FRMD6: variants seen among roughly 807,000 people sequenced by gnomAD.
FRMD6 encodes FERM domain-containing protein 6.
A neutral mutation model predicts 73.2 loss-of-function variants in FRMD6; 37 were observed. The ratio of observed to expected loss-of-function variants is 0.51; its 90% CI spans 0.39 to 0.66. The LOEUF (loss-of-function observed/expected upper bound fraction) is 0.66, where lower values mean the gene tolerates loss of function less well. FRMD6 is among the 30% of genes least tolerant of loss of function. FRMD6 has a pLI of 0.00. For missense variants in FRMD6, 714 were observed against 780.5 expected, an observed-to-expected ratio of 0.91 and a Z score of 1.02; for synonymous variants, 273 against 282.2, an observed-to-expected ratio of 0.97 and a Z score of 0.33.
chr14:51,445,186 T>G, the FRMD6 span, among the ~76,000 whole-genome samples: 2 of 152,180 alleles, frequency 1.3e-5, no homozygotes, highest in East Asian at 3.9e-4. Flanking sequence ...TGGTTCCTTC[T>G]GTAGGTCCTG....
Position 51,573,313 on chromosome 14 carries a change from C to T in FRMD6, c.-147+2903C>T, listed in dbSNP as rs189008672. On this transcript the variant is annotated intron_variant, in intron 2 of 14. Coordinates refer to the FRMD6 transcript ENST00000356218. ...GTTATAGGCCAATAAGGTGACCTGG[C>T]GTTGGAATTCTGAGGAGACCACTGA... is the stretch of plus-strand genomic sequence containing the variant. Among the ~76,000 whole-genome samples the T allele has an allele frequency of 2.5e-3, 383 of 152,230 alleles. 3 individuals carry two copies. The highest frequency in any genetic ancestry group is 4.3e-3 in the Non-Finnish European group (294 of 68,020).
chr14:51,617,925 T>C (rs957971584), intron 2 of FRMD6, among the ~76,000 whole-genome samples: 2 of 152,190 alleles, frequency 1.3e-5, no homozygotes, highest in African/African-American at 4.8e-5. Flanking sequence ...GATAAATGCA[T>C]GGCAATAATG....
intron 1 of FRMD6, among the ~76,000 whole-genome samples, chr14:51,503,916 A>C (rs1883781293): frequency 6.6e-6 from 1 of 151,520 alleles, no homozygotes; most frequent in Non-Finnish European, 1.5e-5. Context: ...AGAAATCATT[A>C]TTGGTCTATT....
chr14:51,609,090 C>G (rs913062140), intron 2 of FRMD6, among the ~76,000 whole-genome samples: 2 of 151,970 alleles, frequency 1.3e-5, no homozygotes, highest in African/African-American at 4.8e-5. Context: ...TCTGATTATT[C>G]TTTTTTCATA....
intron 1 of FRMD6, among the ~76,000 whole-genome samples, chr14:51,519,875 A>G (rs1048264133): frequency 6.6e-6 from 1 of 152,212 alleles, no homozygotes; most frequent in Non-Finnish European, 1.5e-5. Context: ...TTCAGTCACT[A>G]TAAAATGGGC....
chr14:51,634,038 TCAA>T (rs1891448021), intron 2 of FRMD6, among the ~76,000 whole-genome samples: 1 of 152,196 alleles, frequency 6.6e-6, no homozygotes, highest in African/African-American at 2.4e-5. Flanking sequence ...AAAAAGCAGA[TCAA>T]CGACATGATT....
chr14:51,553,548 G>C (rs2139453061), intron 1 of FRMD6, among the ~76,000 whole-genome samples: 2 of 152,202 alleles, frequency 1.3e-5, no homozygotes, highest in Non-Finnish European at 2.9e-5. Context: ...TGAGTTTCTG[G>C]TTATTAAGAA....
intron 1 of FRMD6, among the ~76,000 whole-genome samples, chr14:51,506,683 G>T (rs1293789336): frequency 1.3e-5 from 2 of 152,204 alleles, no homozygotes; most frequent in Non-Finnish European, 2.9e-5. Context: ...CCATTTTAAA[G>T]AATTCCCCTT....
chr14:51,670,691 G>A (rs1893941975), intron 1 of FRMD6, among the ~76,000 whole-genome samples: 1 of 150,922 alleles, frequency 6.6e-6, no homozygotes, highest in African/African-American at 2.4e-5. Context: ...TGTCACCTAG[G>A]CTGGAGTGCA....
the FRMD6 span, among the ~76,000 whole-genome samples, chr14:51,412,553 A>C: frequency 1.3e-5 from 2 of 152,160 alleles, no homozygotes; most frequent in African/African-American, 2.4e-5. Context: ...ATTTTTTTAC[A>C]TAAGATAACA....
chr14:51,703,665 C>T (rs1896462693), intron 5 of FRMD6, among the ~76,000 whole-genome samples: 1 of 151,970 alleles, frequency 6.6e-6, no homozygotes, highest in Admixed American at 6.6e-5. Context: ...ATGAACCAGT[C>T]CAAACCATCT....
the FRMD6 span, among the ~76,000 whole-genome samples, chr14:51,402,694 G>A: frequency 0.3 from 45,044 of 148,872 alleles, 7,208 homozygotes; most frequent in African/African-American, 0.4. Flanking sequence ...GCTGGAGTGC[G>A]GTGGCATGAT....
intron 1 of FRMD6, among the ~76,000 whole-genome samples, chr14:51,669,078 T>C (rs908449420): frequency 6.6e-6 from 1 of 152,246 alleles, no homozygotes; most frequent in Non-Finnish European, 1.5e-5. Flanking sequence ...TAACCAGCAC[T>C]GCGGTCAAGA....
intron 1 of FRMD6, among the ~76,000 whole-genome samples, chr14:51,658,255 A>G (rs1349368772): frequency 1.3e-5 from 2 of 152,010 alleles, no homozygotes; most frequent in East Asian, 3.9e-4. Context: ...ATGAGGCAGA[A>G]TTTTTCTTCT....
At chr14:51,621,713 A>G (rs1426388175) in intron 2 of FRMD6, among the ~76,000 whole-genome samples, 1 of 152,230 alleles carries the variant, frequency 6.6e-6, no homozygotes, top group East Asian at 1.9e-4. Flanking sequence ...TAAAGAAGAC[A>G]GAAAAACACA....
At chr14:51,451,873 A>G in the FRMD6 span, among the ~76,000 whole-genome samples, 7 of 152,190 alleles carry the variant, frequency 4.6e-5, no homozygotes, top group African/African-American at 1.7e-4. Flanking sequence ...AGTTAAATAA[A>G]TCTCTTTTCT....
chr14:51,682,570 A>G (rs1342058634), intron 1 of FRMD6, among the ~76,000 whole-genome samples: 1 of 152,128 alleles, frequency 6.6e-6, no homozygotes, highest in African/African-American at 2.4e-5. Context: ...ATTTCTATGG[A>G]TGGTTTCTGG....
At chr14:51,516,961 A>G (rs1443774686) in intron 1 of FRMD6, among the ~76,000 whole-genome samples, 1 of 152,236 alleles carries the variant, frequency 6.6e-6, no homozygotes, top group Non-Finnish European at 1.5e-5. Flanking sequence ...AACTTTGTCA[A>G]GATGGCTGTC....
chr14:51,724,707 A>G (rs1318236318), intron 12 of FRMD6, among the ~76,000 whole-genome samples: 1 of 151,840 alleles, frequency 6.6e-6, no homozygotes, highest in Non-Finnish European at 1.5e-5. Context: ...TTGAATAAGA[A>G]TCACATTACT....
Sources: allele counts gnomAD v4.1 joint callset (sites outside exome capture counted in the v4.1 genomes callset), GRCh38; gene constraint gnomAD v4.1.1; transcripts MANE v1.5; gene names NCBI Gene and HGNC (gene_info 2026-07-23, HGNC 2026-07-21).